Variants in LRP1B observed in about 807,000 individuals in gnomAD.
LRP1B encodes LDL receptor related protein 1B.
Under a neutral mutation model 556.6 loss-of-function variants are expected in LRP1B, and 217 were observed. The observed-to-expected ratio is 0.39, with a 90% CI of 0.35 to 0.44. LRP1B has a LOEUF of 0.44. Ranked by LOEUF, LRP1B falls within the 20% of genes least tolerant of loss-of-function variation. The pLI, the probability that LRP1B is intolerant of heterozygous loss-of-function variation, is 1.00. For missense variants in LRP1B, 5,053 were observed against 5,620.8 expected (o/e 0.90, Z 3.23); for synonymous variants, 2,047 against 1,865.8 (o/e 1.10, Z -2.50).
At chr2:140,849,174 C>T (rs1692362928) in intron 29 of LRP1B, among the ~76,000 whole-genome samples, 1 of 131,964 alleles carries the variant, frequency 7.6e-6, no homozygotes, top group South Asian at 2.5e-4. Context: ...GGCCAAGATG[C>T]TGAAACCCTG....
intron 1 of LRP1B, among the ~76,000 whole-genome samples, chr2:142,090,924 A>G (rs1280302991): frequency 6.6e-6 from 1 of 152,136 alleles, no homozygotes; most frequent in Non-Finnish European, 1.5e-5. Context: ...AATTTAAAAT[A>G]ATAATTTGTT....
At chr2:141,294,467 A>T (rs1442827827) in intron 3 of LRP1B, among the ~76,000 whole-genome samples, 1 of 152,112 alleles carries the variant, frequency 6.6e-6, no homozygotes, top group Non-Finnish European at 1.5e-5. Flanking sequence ...TCATGCCTGT[A>T]ATCCTATCAC....
chr2:140,643,259 G>C (rs577396636), intron 41 of LRP1B, among the ~76,000 whole-genome samples: 2 of 151,820 alleles, frequency 1.3e-5, no homozygotes, highest in South Asian at 4.2e-4. Flanking sequence ...TTTCCTCTTT[G>C]AGTGGTTTTT....
chr2:141,356,762 GAA>G (rs1573850905), intron 3 of LRP1B, among the ~76,000 whole-genome samples: 1 of 152,052 alleles, frequency 6.6e-6, no homozygotes, highest in East Asian at 1.9e-4. Flanking sequence ...ATATTTGCAG[GAA>G]AAGTCTATGC....
Position 141,911,221 on chromosome 2 carries a change from G to A in LRP1B, c.83-100820C>T, listed in dbSNP as rs550662801. ...ATACAAATTAAATATGGCAACAAGA[G>A]TGACCTCAAACCGGTTTTGTATTAC... is the stretch of plus-strand genomic sequence containing the variant. On this transcript the variant is annotated intron_variant, in intron 1 of 90. Coordinates refer to ENST00000389484, the MANE Select transcript of LRP1B (RefSeq NM_018557.3). Among the ~76,000 whole-genome samples, 155 of 152,240 alleles carry A rather than the reference G, an allele frequency of 1.0e-3. 1 individual carries two copies. The highest frequency in any genetic ancestry group is 0.01 in the Admixed American group (153 of 15,286).
intron 47 of LRP1B, among the ~76,000 whole-genome samples, chr2:140,526,698 C>A (rs1432391548): frequency 4.1e-4 from 56 of 136,268 alleles, no homozygotes; most frequent in Admixed American, 3.8e-4. Flanking sequence ...AGCACTGAGC[C>A]AAAAAAAAAA....
At chr2:140,279,088 ACTCTCT>A (rs1189781997) in intron 84 of LRP1B, among the ~76,000 whole-genome samples, 3 of 150,474 alleles carry the variant, frequency 2.0e-5, no homozygotes, top group Non-Finnish European at 4.4e-5. Context: ...TTCCCTCTCC[ACTCTCT>A]CTCTTTCTCT....
intron 84 of LRP1B, among the ~76,000 whole-genome samples, chr2:140,286,702 G>A (rs547252145): frequency 6.6e-6 from 1 of 151,846 alleles, no homozygotes; most frequent in African/African-American, 2.4e-5. Flanking sequence ...TATCATTTTA[G>A]AAATTATGAA....
chr2:141,016,245 C>T (rs1192381789), intron 12 of LRP1B, among the ~76,000 whole-genome samples: 1 of 152,028 alleles, frequency 6.6e-6, no homozygotes, highest in Non-Finnish European at 1.5e-5. Context: ...AAATGATTTT[C>T]TGGGTCATTA....
intron 1 of LRP1B, among the ~76,000 whole-genome samples, chr2:141,822,194 C>T (rs1488377179): frequency 6.8e-6 from 1 of 146,766 alleles, no homozygotes; most frequent in South Asian, 2.2e-4. Context: ...TAGCAAGAGA[C>T]AAAGGATATA....
At chr2:140,485,853 A>ACACG (rs141641170) in intron 58 of LRP1B, among the ~76,000 whole-genome samples, 3,625 of 133,772 alleles carry the variant, frequency 0.027, 132 homozygotes, top group African/African-American at 0.095. Context: ...ACATACACAC[A>ACACG]CACACACACA....
Position 140,984,431 on chromosome 2 carries a change from T to C in LRP1B, c.2771-2155A>G, listed in dbSNP as rs189540543. 5.0e-4 allele frequency among the ~76,000 whole-genome samples: 76 copies of C among 152,190 alleles called. 1 individual carries two copies. The Middle Eastern group carries it at 0.02, about 41-fold the overall frequency. On this transcript the variant is annotated intron_variant, in intron 17 of 90. Transcript: ENST00000389484. ...CATTATCACATATTTCTATCTAAAA[T>C]TCTAATTGGCCTGTAATAAGAATAT...
chr2:142,072,265 A>G (rs1705344729), intron 1 of LRP1B, among the ~76,000 whole-genome samples: 1 of 152,012 alleles, frequency 6.6e-6, no homozygotes, highest in Admixed American at 6.6e-5. Flanking sequence ...AGTACTAGGT[A>G]AGTTTTTCTT....
intron 77 of LRP1B, among the ~76,000 whole-genome samples, chr2:140,350,326 A>G (rs1246242656): frequency 6.6e-6 from 1 of 152,088 alleles, no homozygotes; most frequent in Non-Finnish European, 1.5e-5. Flanking sequence ...AAATATAGTT[A>G]TCAGGAGTCA....
At chr2:140,977,493 A>T (rs1413469672) in intron 18 of LRP1B, among the ~76,000 whole-genome samples, 1 of 152,210 alleles carries the variant, frequency 6.6e-6, no homozygotes, top group Non-Finnish European at 1.5e-5. Context: ...GCATATATAG[A>T]CATTCTTACG....
intron 27 of LRP1B, among the ~76,000 whole-genome samples, chr2:140,864,634 T>C (rs988820846): frequency 1.3e-5 from 2 of 152,116 alleles, no homozygotes; most frequent in Admixed American, 1.3e-4. Context: ...AAAGTGTTTA[T>C]TGTAAATGAG....
At chr2:140,475,101 T>C in intron 60 of LRP1B, 37 bp downstream of exon 60, 3 of 1,051,600 alleles carry the variant, frequency 2.9e-6, no homozygotes, top group Non-Finnish European at 3.9e-6. Flanking sequence ...TTTTATGACC[T>C]GGTAAAATAC....
intron 2 of LRP1B, among the ~76,000 whole-genome samples, chr2:141,698,493 T>TTAA (rs1553450059): frequency 3.6e-5 from 5 of 140,070 alleles, no homozygotes; most frequent in African/African-American, 1.3e-4. Context: ...GTTGTACACT[T>TTAA]AAAAAAAAAA....
intron 3 of LRP1B, among the ~76,000 whole-genome samples, chr2:141,313,916 T>G (rs1167892632): frequency 1.3e-5 from 2 of 152,084 alleles, no homozygotes; most frequent in Admixed American, 1.3e-4. Context: ...GCTTTTTTCC[T>G]CTTTATTGTC....
Sources: gnomAD v4.1 joint callset for allele counts (sites outside exome capture counted in the v4.1 genomes callset) on GRCh38, gnomAD v4.1.1 for gene constraint, MANE v1.5 for transcripts, NCBI Gene and HGNC (gene_info 2026-07-23, HGNC 2026-07-21) for gene names.